Variants in AGBL4 observed in about 807,000 individuals in gnomAD.
AGBL4 encodes the protein cytosolic carboxypeptidase 6.
A neutral mutation model predicts 66.4 loss-of-function variants in AGBL4; 58 were observed. The observed-to-expected ratio is 0.87, with a 90% CI of 0.71 to 1.09. The LOEUF (loss-of-function observed/expected upper bound fraction) is 1.09, where lower values mean the gene tolerates loss of function less well. Ranked by LOEUF, AGBL4 falls within the 50% of genes least tolerant of loss-of-function variation. AGBL4 has a pLI of 0.00. For missense variants in AGBL4, 579 were observed against 631.0 expected, an observed-to-expected ratio of 0.92 and a Z score of 0.88; for synonymous variants, 234 against 222.9, an observed-to-expected ratio of 1.05 and a Z score of -0.44.
At chr1:49,595,302 G>T (rs577505892) in intron 3 of AGBL4, among the ~76,000 whole-genome samples, 1 of 152,036 alleles carries the variant, frequency 6.6e-6, no homozygotes, top group Non-Finnish European at 1.5e-5. Context: ...TGTTAGCCAG[G>T]ATGGTCTTGA....
chr1:49,764,368 C>T (rs143188887), intron 2 of AGBL4, among the ~76,000 whole-genome samples: 71 of 152,254 alleles, frequency 4.7e-4, no homozygotes, highest in Non-Finnish European at 6.9e-4. Context: ...AACACAGAGG[C>T]CTTCTGAAAA....
chr1:48,867,141 C>A, intron 6 of AGBL4, 50 bp downstream of exon 6: 1 of 1,592,496 alleles, frequency 6.3e-7, no homozygotes, highest in South Asian at 1.1e-5. Context: ...AACAAGGCAT[C>A]ATTCAAGAAA....
intron 2 of AGBL4, among the ~76,000 whole-genome samples, chr1:49,768,605 A>G (rs1458921156): frequency 6.6e-6 from 1 of 152,174 alleles, no homozygotes; most frequent in Admixed American, 6.5e-5. Flanking sequence ...ATTCCCCTTG[A>G]GAACCAGAAT....
intron 6 of AGBL4, among the ~76,000 whole-genome samples, chr1:48,851,514 T>A (rs192748757): frequency 1.3e-5 from 2 of 152,112 alleles, no homozygotes; most frequent in Admixed American, 6.6e-5. Flanking sequence ...CTATGCACCG[T>A]CTAAGGCTGG....
intron 3 of AGBL4, among the ~76,000 whole-genome samples, chr1:49,592,909 A>G (rs993058826): frequency 6.6e-6 from 1 of 152,200 alleles, no homozygotes; most frequent in Non-Finnish European, 1.5e-5. Context: ...AGAGATATAA[A>G]TTGTTTAACT....
Position 49,254,583 on chromosome 1 carries a change from T to C in AGBL4, c.283-8719A>G, listed in dbSNP as rs946794588. On this transcript the variant is annotated intron_variant, in intron 3 of 13. Coordinates refer to ENST00000371839, the MANE Select transcript of AGBL4 (RefSeq NM_032785.4). ...AGAATCAATATTGTTAAAATGGTCA[T>C]ACTGCCCAAACCAATTTATGGATTC... Among the ~76,000 whole-genome samples the C allele has an allele frequency of 5.9e-5, 9 of 152,300 alleles. 1 individual carries two copies. In the South Asian group the frequency reaches 1.9e-3, roughly 32 times the overall value.
intron 3 of AGBL4, among the ~76,000 whole-genome samples, chr1:49,461,326 A>C (rs1220305077): frequency 1.3e-5 from 2 of 151,174 alleles, no homozygotes; most frequent in African/African-American, 4.9e-5. Context: ...GATGGACTGG[A>C]TTAATTAAAA....
intron 6 of AGBL4, among the ~76,000 whole-genome samples, chr1:48,821,047 A>G (rs1020082738): frequency 3.3e-5 from 5 of 152,242 alleles, no homozygotes; most frequent in Non-Finnish European, 5.9e-5. Flanking sequence ...TTAAAACCAC[A>G]TTGAGATATC....
chr1:49,302,733 C>T (rs1338071563), intron 3 of AGBL4, among the ~76,000 whole-genome samples: 8 of 148,590 alleles, frequency 5.4e-5, no homozygotes, highest in Non-Finnish European at 1.2e-4. Flanking sequence ...AAACTTGTGA[C>T]ATGGTGGTTT....
intron 2 of AGBL4, among the ~76,000 whole-genome samples, chr1:49,809,352 C>G (rs922552730): frequency 1.4e-5 from 2 of 146,314 alleles, no homozygotes; most frequent in Non-Finnish European, 3.0e-5. Context: ...CACCCTGTGT[C>G]CAAGTGTTCT....
At chr1:48,646,200 A>T (rs1316145933) in intron 8 of AGBL4, among the ~76,000 whole-genome samples, 1 of 152,106 alleles carries the variant, frequency 6.6e-6, no homozygotes, top group South Asian at 2.1e-4. Flanking sequence ...TGGATCGGGC[A>T]CTGGATTGAA....
At chr1:48,714,873 T>C (rs1274370102) in intron 6 of AGBL4, among the ~76,000 whole-genome samples, 3 of 152,238 alleles carry the variant, frequency 2.0e-5, no homozygotes, top group African/African-American at 7.2e-5. Context: ...TTTTAGTCGC[T>C]CATTCATCGA....
At chr1:49,282,351 G>A (rs1212953675) in intron 3 of AGBL4, among the ~76,000 whole-genome samples, 2 of 152,160 alleles carry the variant, frequency 1.3e-5, no homozygotes, top group African/African-American at 4.8e-5. Context: ...TCTCTTCAAT[G>A]AGGCTCTTTG....
downstream of AGBL4, among the ~76,000 whole-genome samples, chr1:48,532,077 C>T (rs1252990495): frequency 6.6e-6 from 1 of 152,168 alleles, no homozygotes; most frequent in African/African-American, 2.4e-5. Context: ...AGCCACCGCA[C>T]CCGGCCTATT....
At chr1:48,882,725 T>C (rs1649913754) in intron 5 of AGBL4, among the ~76,000 whole-genome samples, 1 of 152,196 alleles carries the variant, frequency 6.6e-6, no homozygotes, top group South Asian at 2.1e-4. Flanking sequence ...TTATCCCTCC[T>C]GTCTAACTGA....
chr1:48,663,169 G>A lies in AGBL4; in HGVS notation c.707C>T (p.Ser236Leu). Residue 236 changes from serine (S) to leucine (L), a missense_variant, in exon 7 of 14, where the codon TCA becomes TTA. Transcript: ENST00000371839. ...TGRVHPGETP[S>L]SFVCQGIIDF... ...CCACTCACCTTGGCACACAAATGATGAGGGTGTTTCCCCTGGGTGGACTCG... is the reference window on the plus strand; with the variant it reads ...CCACTCACCTTGGCACACAAATGATAAGGGTGTTTCCCCTGGGTGGACTCG... 6.2e-7 allele frequency: 1 copy of A among 1,613,952 alleles called. No homozygotes were observed.
At chr1:48,862,542 C>G (rs1647581377) in intron 6 of AGBL4, among the ~76,000 whole-genome samples, 2 of 152,034 alleles carry the variant, frequency 1.3e-5, no homozygotes, top group Admixed American at 6.6e-5. Context: ...AGGATGGTCT[C>G]TATTTCCTGA....
intron 3 of AGBL4, among the ~76,000 whole-genome samples, chr1:49,481,347 T>C (rs1270117682): frequency 3.9e-5 from 6 of 152,222 alleles, no homozygotes; most frequent in African/African-American, 1.4e-4. Context: ...TCCACTTCTC[T>C]TGTTAGCTGT....
chr1:49,946,201 C>T (rs1395668546), intron 1 of AGBL4, among the ~76,000 whole-genome samples: 1 of 151,810 alleles, frequency 6.6e-6, no homozygotes, highest in Non-Finnish European at 1.5e-5. Context: ...CACCCTGGAA[C>T]CAATGAACTT....
Sources: allele counts gnomAD v4.1 joint callset (sites outside exome capture counted in the v4.1 genomes callset), GRCh38; gene constraint gnomAD v4.1.1; transcripts MANE v1.5; gene names NCBI Gene and HGNC (gene_info 2026-07-23, HGNC 2026-07-21).